DPEP3: variants seen among roughly 807,000 people sequenced by gnomAD.
DPEP3 encodes the protein dipeptidase 3, also known as membrane-bound dipeptidase 3.
DPEP3 carries 42 observed loss-of-function variants against 47.5 expected under a neutral mutation model. That is an observed-to-expected ratio of 0.88 (90% CI 0.69 to 1.14). The LOEUF is 1.14. Among genes scored for constraint, DPEP3 ranks in the 50% most tolerant of loss-of-function variants. DPEP3 has a pLI of 0.00. For missense variants in DPEP3, 560 were observed against 635.0 expected, an observed-to-expected ratio of 0.88 and a Z score of 1.27; for synonymous variants, 276 against 270.2, an observed-to-expected ratio of 1.02 and a Z score of -0.21.
Position 67,976,166 on chromosome 16 carries a change from C to T in DPEP3, c.1157G>A (p.Arg386His), listed in dbSNP as rs377446311. 152 of 1,614,220 alleles carry T rather than the reference C, an allele frequency of 9.4e-5. No individual in the cohort carries two copies. The highest frequency in any genetic ancestry group is 9.0e-4 in the South Asian group (82 of 91,084). ...TTGAAGCTCTTCCTCGCTCCAGCTA[C>T]GACTCAGCAACTCCTCTATCAGGAC... ...YPVLIEELLS[R>H]SWSEEELQGV... Residue 386 changes from arginine to histidine, a missense_variant, in exon 9 of 10, where the codon CGT (arginine) becomes CAT (histidine). Coordinates refer to ENST00000268793, the MANE Select transcript of DPEP3 (RefSeq NM_001370198.1).
rs955137491 is a variant in DPEP3, at chr16:67,977,318, T to C, written c.970A>G (p.Met324Val). 6.2e-7 allele frequency: 1 copy of C among 1,613,936 alleles called. No homozygotes were observed. Among genetic ancestry groups the C allele is most frequent in the Non-Finnish European group, 8.5e-7 (1 of 1,179,872 alleles). Residue 324 changes from methionine (M) to valine (V), a missense_variant, in exon 7 of 10, where the codon ATG becomes GTG. By Grantham distance (21) the Met-to-Val change is conservative. Transcript: ENST00000268793. ...NGGIVMVTLSMGVLQCNLLAN... is the reference protein window; with the variant it reads ...NGGIVMVTLSVGVLQCNLLAN... The stretch of plus-strand genomic sequence containing the variant: ...AGCAGGTTGCACTGCAGCACCCCCA[T>C]GGACAGTGTCACCATCACGATGCCA...
At chr16:67,976,644 A>G in intron 8 of DPEP3, 56 bp downstream of exon 8, 1 of 1,543,564 alleles carries the variant, frequency 6.5e-7, no homozygotes, top group Non-Finnish European at 8.9e-7. Flanking sequence ...GGGAATGAAG[A>G]CTAAAGGACT....
chr16:67,976,867 A>G (rs1227915638), intron 7 of DPEP3, 92 bp from the exon 8 acceptor site: 4 of 1,108,626 alleles, frequency 3.6e-6, no homozygotes, highest in African/African-American at 3.1e-5. Context: ...AGTTGGCTCC[A>G]CAGAGCTAGC....
rs776648183 is a variant in DPEP3 at position 67,979,605 on chromosome 16, C to T, written c.414+34G>A. ...CTGTGACCCCAACATCCCCCAGCAG[C>T]CATGCTGTGGCACCCTGTGTGTCCC... On this transcript the variant is annotated intron_variant, in intron 2 of 9. Coordinates refer to ENST00000268793, the MANE Select transcript of DPEP3 (RefSeq NM_001370198.1). The T allele has an allele frequency of 1.6e-5, 25 of 1,610,740 alleles. 1 individual carries two copies. The South Asian group carries it at 2.7e-4, about 18-fold the overall frequency.
At chr16:67,979,070 C>T (rs972721616) in intron 2 of DPEP3, among the ~76,000 whole-genome samples, 1 of 152,128 alleles carries the variant, frequency 6.6e-6, no homozygotes, top group Non-Finnish European at 1.5e-5. Flanking sequence ...TGTGGGAGGC[C>T]GAGGAGGGTG....
rs780820882 is a variant in DPEP3 at position 67,980,210 on chromosome 16, C to A, written c.171G>T (p.Thr57=). The change falls in exon 1 of 10, where the codon ACG becomes ACT. Residue 57 remains threonine (T), a synonymous_variant. Transcript: ENST00000268793. ...STLGSPSLFT[T]PGVPSALTTP... ...TAGTGAGGGCGCTGGGGACACCCGG[C>A]GTGGTGAAGAGGCTGGGGGAGCCCA... 1 of 1,609,650 alleles carries A rather than the reference C, an allele frequency of 6.2e-7. No homozygotes were observed. The highest frequency in any genetic ancestry group is 1.1e-5 in the South Asian group (1 of 90,610).
intron 8 of DPEP3, 32 bp from the exon 9 acceptor site, chr16:67,976,260 C>A (rs746549890): frequency 6.2e-7 from 1 of 1,611,976 alleles, no homozygotes; most frequent in African/African-American, 1.3e-5. Flanking sequence ...AGCTGTGGGA[C>A]CTTAGCCCTG....
intron 6 of DPEP3, 59 bp from the exon 7 acceptor site, chr16:67,977,413 G>C (rs1336619842): frequency 6.5e-7 from 1 of 1,533,762 alleles, no homozygotes; most frequent in Non-Finnish European, 9.0e-7. Context: ...TGCCTCCTGT[G>C]CTGTGGGGGC....
intron 6 of DPEP3, 46 bp downstream of exon 6, chr16:67,977,607 C>T: frequency 6.4e-7 from 1 of 1,574,552 alleles, no homozygotes; most frequent in Non-Finnish European, 8.6e-7. Context: ...GGTCAAGAAC[C>T]TTTGGATAAC....
At position 67,978,656 on chromosome 16, in the gene DPEP3, G is replaced by C. The variant is rs1668620324; in HGVS notation, c.415-30C>G. The C allele has an allele frequency of 1.2e-6, 2 of 1,611,724 alleles. No individual in the cohort carries two copies. ...GGGTAGGTCAAGGGGTCCAGAATGA[G>C]GCCAGGGCGGTCTTCAACCCCCTAG... On this transcript the variant is annotated intron_variant, in intron 2 of 9. Transcript: ENST00000268793. This position sits in a 1 kb window ranked among gnomAD's most constrained non-coding sequence, Gnocchi z 4.4.
Position 67,975,854 on chromosome 16 carries a change from G to A in DPEP3, c.1378C>T (p.Pro460Ser), listed in dbSNP as rs1567433295. Residue 460 changes from proline (P) to serine (S), a missense_variant, in exon 10 of 10, where the codon CCC (proline) becomes TCC (serine). Physicochemically the swap from Pro to Ser is moderately conservative, Grantham distance 74 (BLOSUM62 -1). Transcript: ENST00000268793. ...EVTKQPTNRV[P>S]WRSSNASPYL... ...GGGGAGGCATTTGAGGACCTCCAGG[G>A]GACCCGATTGGTTGGCTGCTTGGTC... 6.2e-7 allele frequency: 1 copy of A among 1,613,896 alleles called. No homozygotes were observed. Among genetic ancestry groups the A allele is most frequent in the South Asian group, 1.1e-5 (1 of 91,058 alleles).
chr16:67,977,888 A>C (rs1177550898), intron 5 of DPEP3, 50 bp downstream of exon 5: 1 of 1,613,938 alleles, frequency 6.2e-7, no homozygotes, highest in Non-Finnish European at 8.5e-7. Flanking sequence ...AGGTGTACAC[A>C]CATATCCGTA....
chr16:67,977,528 G>A (rs2031223342), intron 6 of DPEP3, 125 bp downstream of exon 6: 1 of 1,333,716 alleles, frequency 7.5e-7, no homozygotes, highest in Middle Eastern at 1.9e-4. Context: ...AAGTTTCAGG[G>A]ATGGAGGAGG....
rs757782418 is a variant in DPEP3, at chr16:67,978,544, C to T, written c.497G>A (p.Arg166His). The change falls in exon 3 of 10, where the codon CGC (arginine) becomes CAC (histidine). Residue 166 changes from arginine to histidine, a missense_variant. Coordinates refer to ENST00000268793, the MANE Select transcript of DPEP3 (RefSeq NM_001370198.1). This position sits in a 1 kb window ranked among gnomAD's most constrained non-coding sequence, Gnocchi z 4.4. The part of the protein sequence containing the change: ...LALEQIDLIH[R>H]MCASYSELEL... The stretch of plus-strand genomic sequence containing the variant: ...GAGTTCAGAGTAGGAGGCACACATG[C>T]GGTGAATGAGGTCAATCTGCTCCAG... 119 of 1,613,964 alleles carry T rather than the reference C, an allele frequency of 7.4e-5. No individual in the cohort carries two copies. The highest frequency in any genetic ancestry group is 4.0e-4 in the South Asian group (36 of 91,086).
chr16:67,979,117 C>T (rs1249145823), intron 2 of DPEP3, among the ~76,000 whole-genome samples: 2 of 152,254 alleles, frequency 1.3e-5, no homozygotes, highest in South Asian at 2.1e-4. Flanking sequence ...CCAGCCTGGC[C>T]AACATGGTAA....
At position 67,977,926 on chromosome 16, in the gene DPEP3, A is replaced by G. The variant is rs766400510; in HGVS notation, c.756+12T>C. On this transcript the variant is annotated intron_variant, in intron 5 of 9. Transcript: ENST00000268793. The stretch of plus-strand genomic sequence containing the variant: ...CAGCAGGTGGGTTGGGGTACAAAAC[A>G]GGAGTCCTCACCTCACCAAAGCTTG... 45 of 1,613,868 alleles carry G rather than the reference A, an allele frequency of 2.8e-5. No homozygotes were observed. The highest frequency in any genetic ancestry group is 3.6e-5 in the Non-Finnish European group (43 of 1,179,892).
Position 67,978,443 on chromosome 16 carries a change from C to T in DPEP3, c.545-35G>A. ...GGTAGAGAGTCAAGTGGTTAGATCC[C>T]AGGAACAGAACCTCCAGAGTGACAT... On this transcript the variant is annotated intron_variant, in intron 3 of 9. Coordinates refer to ENST00000268793, the MANE Select transcript of DPEP3 (RefSeq NM_001370198.1). The surrounding 1 kb of genome is among the most constrained non-coding windows in gnomAD (Gnocchi z 4.4). 6.2e-7 allele frequency: 1 copy of T among 1,614,016 alleles called. No homozygotes were observed. The highest frequency in any genetic ancestry group is 8.5e-7 in the Non-Finnish European group (1 of 1,179,884).
Position 67,975,915 on chromosome 16 carries a change from C to G in DPEP3, c.1317G>C (p.Val439=). 1 of 1,613,954 alleles carries G rather than the reference C, an allele frequency of 6.2e-7. No individual in the cohort carries two copies. Among genetic ancestry groups the G allele is most frequent in the Non-Finnish European group, 8.5e-7 (1 of 1,179,868 alleles). ...QLSTSCHSHL[V]PQNGHQATHL... is the part of the protein sequence containing the mutation. Reference sequence around the variant, plus strand: ...GAGTAGCCTGGTGTCCATTCTGAGGCACGAGGTGGGAGTGGCAGGATGTGC... The same window carrying G: ...GAGTAGCCTGGTGTCCATTCTGAGGGACGAGGTGGGAGTGGCAGGATGTGC... Residue 439 remains valine, a synonymous_variant, in exon 10 of 10, where the codon GTG becomes GTC. Coordinates refer to ENST00000268793, the MANE Select transcript of DPEP3 (RefSeq NM_001370198.1).
chr16:67,978,658 C>T lies in DPEP3; in HGVS notation c.415-32G>A. 6.2e-7 allele frequency: 1 copy of T among 1,611,270 alleles called. No individual in the cohort carries two copies. Among genetic ancestry groups the T allele is most frequent in the East Asian group, 2.2e-5 (1 of 44,864 alleles). ...GTAGGTCAAGGGGTCCAGAATGAGG[C>T]CAGGGCGGTCTTCAACCCCCTAGGC... On this transcript the variant is annotated intron_variant, in intron 2 of 9. Transcript: ENST00000268793. The surrounding 1 kb of genome is among the most constrained non-coding windows in gnomAD (Gnocchi z 4.4).
Sources: allele counts gnomAD v4.1 joint callset (sites outside exome capture counted in the v4.1 genomes callset), GRCh38; gene constraint gnomAD v4.1.1; non-coding constraint Gnocchi (gnomAD v3.1); transcripts MANE v1.5; gene names NCBI Gene and HGNC (gene_info 2026-07-23, HGNC 2026-07-21).